The following ACSS3 variants were observed in gnomAD, a reference collection of about 807,000 sequenced individuals.
ACSS3 encodes acyl-CoA synthetase short chain family member 3.
In ACSS3, 64 loss-of-function variants were observed where a neutral mutation model predicts 84.2. That is an observed-to-expected ratio of 0.76 (90% CI 0.62 to 0.94). ACSS3 has a LOEUF of 0.94. Ranked by LOEUF, ACSS3 falls within the 40% of genes least tolerant of loss-of-function variation. The pLI is 0.00. For missense variants in ACSS3, 815 were observed against 867.6 expected (o/e 0.94, Z 0.76); for synonymous variants, 317 against 310.1 (o/e 1.02, Z -0.23).
At chr12:81,121,915 A>ATATTATTATTATTATTATTATTAT (rs10527532) in intron 2 of ACSS3, among the ~76,000 whole-genome samples, 1 of 146,112 alleles carries the variant, frequency 6.8e-6, no homozygotes, top group African/African-American at 2.6e-5. Context: ...AGAGTATGCT[A>ATATTATTATTATTATTATTATTAT]TATTATTATT....
intron 2 of ACSS3, among the ~76,000 whole-genome samples, chr12:81,130,671 CT>C (rs1380903356): frequency 1.3e-5 from 2 of 152,086 alleles, no homozygotes; most frequent in Admixed American, 1.3e-4. Context: ...GTTGTCATTG[CT>C]TTTGGTGTTT....
At chr12:81,160,425 A>C (rs1887092102) in intron 7 of ACSS3, among the ~76,000 whole-genome samples, 1 of 152,210 alleles carries the variant, frequency 6.6e-6, no homozygotes, top group African/African-American at 2.4e-5. Context: ...TGAATTAGAG[A>C]AAGGTGAGGA....
Position 81,257,141 on chromosome 12 carries a change from T to C in ACSS3, c.*2219T>C, listed in dbSNP as rs2034330124. 6.6e-6 allele frequency: 1 copy of C among 152,146 alleles called. No individual in the cohort carries two copies. Among genetic ancestry groups the C allele is most frequent in the South Asian group, 2.1e-4 (1 of 4,836 alleles). 9.4% of individuals were successfully genotyped at this position (152,146 alleles called of 1,614,324 possible). A position where few individuals can be genotyped will look rare whatever the true frequency, so the allele number is the denominator to read the frequency against. ...CTTTGGTCCTCTTGCACATTTTTTC[T>C]GGTAATCAAATCTGAAGCGACATCT... On this transcript the variant is annotated 3_prime_UTR_variant, in exon 16 of 16. Transcript: ENST00000548058.
At chr12:81,167,137 A>G (rs185099181) in intron 7 of ACSS3, among the ~76,000 whole-genome samples, 17 of 152,378 alleles carry the variant, frequency 1.1e-4, no homozygotes, top group Non-Finnish European at 1.5e-5. Context: ...CATCTGCAGA[A>G]TTAGCAGTTT....
Position 81,199,716 on chromosome 12 carries a change from G to A in ACSS3, c.1354+272G>A, listed in dbSNP as rs776173872. On this transcript the variant is annotated intron_variant, in intron 9 of 15. Coordinates refer to ENST00000548058, the MANE Select transcript of ACSS3 (RefSeq NM_024560.4). The stretch of plus-strand genomic sequence containing the variant: ...CTTCTTTGTTTCTTATATCTGGTAA[G>A]TTACTAAGTCTCAGATTTTCCTTTG... The A allele has an allele frequency of 2.7e-5, 37 of 1,347,396 alleles. No homozygotes were observed. In the Middle Eastern group the frequency reaches 5.9e-4, roughly 22 times the overall value. The allele number at this position is 1,347,396 out of a possible 1,614,324, so 83.5% of individuals were successfully genotyped here.
In ACSS3 at chr12:81,159,088, A is replaced by G. The variant is rs978201366; in HGVS notation, c.1098+6992A>G. On this transcript the variant is annotated intron_variant, in intron 7 of 15. Coordinates refer to ENST00000548058, the MANE Select transcript of ACSS3 (RefSeq NM_024560.4). ...TCTATCAATGAGTAAGAGTAATTTA[A>G]ATTTTCTTTTTTTTACAACAGGACT... Among the ~76,000 whole-genome samples, 4 of 152,278 alleles carry G rather than the reference A, an allele frequency of 2.6e-5. No individual in the cohort carries two copies. The East Asian group carries it at 7.7e-4, about 29-fold the overall frequency.
intron 11 of ACSS3, among the ~76,000 whole-genome samples, chr12:81,221,701 C>T (rs891340657): frequency 3.3e-5 from 5 of 152,034 alleles, no homozygotes; most frequent in Non-Finnish European, 2.9e-5. Flanking sequence ...TAACATAGAG[C>T]TGGTTCAAAT....
intron 7 of ACSS3, among the ~76,000 whole-genome samples, chr12:81,167,704 G>T (rs1438055570): frequency 6.6e-6 from 1 of 152,098 alleles, no homozygotes; most frequent in African/African-American, 2.4e-5. Context: ...CTTCCAAAAG[G>T]CCCCACCTTC....
intron 13 of ACSS3, among the ~76,000 whole-genome samples, chr12:81,244,540 G>T (rs564774163): frequency 6.6e-6 from 1 of 151,738 alleles, no homozygotes; most frequent in African/African-American, 2.4e-5. Flanking sequence ...TGGATATTTT[G>T]TTCTGTTTGG....
intron 5 of ACSS3, among the ~76,000 whole-genome samples, chr12:81,145,688 C>T (rs7296808): frequency 0.87 from 132,252 of 152,152 alleles, 59,012 homozygotes; most frequent in Non-Finnish European, 0.97. Flanking sequence ...TGAATATTCA[C>T]TGAAATAGAA....
intron 1 of ACSS3, among the ~76,000 whole-genome samples, chr12:81,085,913 A>G (rs1201646288): frequency 6.6e-6 from 1 of 152,148 alleles, no homozygotes; most frequent in African/African-American, 2.4e-5. Context: ...GCATCATGTC[A>G]GTAAATGTTT....
Position 81,078,252 on chromosome 12 carries a change from C to T in ACSS3, c.132C>T (p.Gly44=), listed in dbSNP as rs890772833. 5.0e-6 allele frequency: 8 copies of T among 1,607,936 alleles called. No homozygotes were observed. Among genetic ancestry groups the T allele is most frequent in the Middle Eastern group, 1.7e-4 (1 of 6,040 alleles). Residue 44 remains glycine (G), a synonymous_variant, in exon 1 of 16, where the codon GGC becomes GGT. Coordinates refer to ENST00000548058, the MANE Select transcript of ACSS3 (RefSeq NM_024560.4). ...CTTTAGTGGTCCCGGGCCCGCGGGG[C>T]GGTCTCGGGGGCCGGGGATGCAGGG... The part of the protein sequence containing the change: ...LRALVVPGPR[G]GLGGRGCRAL...
At chr12:81,200,819 A>G (rs2032064211) in intron 9 of ACSS3, among the ~76,000 whole-genome samples, 1 of 150,234 alleles carries the variant, frequency 6.7e-6, no homozygotes, top group African/African-American at 2.5e-5. Flanking sequence ...GCTTGAACCC[A>G]GGAGGAGGAG....
intron 1 of ACSS3, among the ~76,000 whole-genome samples, chr12:81,080,109 A>G (rs992511581): frequency 3.9e-5 from 6 of 152,182 alleles, no homozygotes; most frequent in African/African-American, 1.2e-4. Context: ...TAATGTGCAG[A>G]GAATTCAGTT....
chr12:81,169,881 C>T (rs1045649183), intron 7 of ACSS3, among the ~76,000 whole-genome samples: 14 of 152,072 alleles, frequency 9.2e-5, no homozygotes, highest in African/African-American at 3.4e-4. Flanking sequence ...ATAAAATTTG[C>T]TACTAGTCGA....
chr12:81,134,806 C>T lies in ACSS3; in HGVS notation c.457-10C>T. 1 of 1,527,260 alleles carries T rather than the reference C, an allele frequency of 6.5e-7. No homozygotes were observed. Among genetic ancestry groups the T allele is most frequent in the Non-Finnish European group, 8.9e-7 (1 of 1,128,696 alleles). 94.6% of individuals were successfully genotyped at this position (1,527,260 alleles called of 1,614,324 possible). On this transcript the variant is annotated splice_polypyrimidine_tract_variant and intron_variant, in intron 2 of 15. Coordinates refer to ENST00000548058, the MANE Select transcript of ACSS3 (RefSeq NM_024560.4). ...AAATACACTTTACTGATTTAATGGT[C>T]TTGGCATAGGTCTCCAAGCTGGCTG...
In ACSS3 at chr12:81,123,304, C is replaced by T. The variant is rs193201776; in HGVS notation, c.457-11512C>T. Among the ~76,000 whole-genome samples, 27 of 152,092 alleles carry T rather than the reference C, an allele frequency of 1.8e-4. 1 individual carries two copies. The highest frequency in any genetic ancestry group is 5.9e-4 in the Admixed American group (9 of 15,272). On this transcript the variant is annotated intron_variant, in intron 2 of 15. Transcript: ENST00000548058. ...GAAACAGATACATGAGAAGATCCTA[C>T]GGTTTTGCTTTTTTGGTAGATAGAA...
At chr12:81,249,607 C>G (rs1593243225) in intron 13 of ACSS3, among the ~76,000 whole-genome samples, 1 of 152,010 alleles carries the variant, frequency 6.6e-6, no homozygotes, top group South Asian at 2.1e-4. Flanking sequence ...AGCTAAGATG[C>G]CTTGCCATTT....
chr12:81,105,640 A>G lies in ACSS3; in HGVS notation c.312-3920A>G, dbSNP rs529239629. On this transcript the variant is annotated intron_variant, in intron 1 of 15. Coordinates refer to ENST00000548058, the MANE Select transcript of ACSS3 (RefSeq NM_024560.4). ...GGGTCCTAAATCCTATGCTTCTTGAAAGTTTAGTAACATTCTCATTCATTC... is the reference window on the plus strand; with the variant it reads ...GGGTCCTAAATCCTATGCTTCTTGAGAGTTTAGTAACATTCTCATTCATTC... 3.3e-4 allele frequency among the ~76,000 whole-genome samples: 51 copies of G among 152,326 alleles called. 1 individual carries two copies. Among genetic ancestry groups the G allele is most frequent in the African/African-American group, 1.2e-3 (49 of 41,572 alleles).
Sources: allele counts gnomAD v4.1 joint callset (sites outside exome capture counted in the v4.1 genomes callset), GRCh38; gene constraint gnomAD v4.1.1; transcripts MANE v1.5; gene names NCBI Gene and HGNC (gene_info 2026-07-23, HGNC 2026-07-21).